Variants in SHQ1 observed in about 807,000 individuals in gnomAD.
The protein encoded by SHQ1 is SHQ1, H/ACA ribonucleoprotein assembly factor.
SHQ1 carries 49 observed loss-of-function variants against 53.8 expected under a neutral mutation model. The ratio of observed to expected loss-of-function variants is 0.91; its 90% CI spans 0.72 to 1.16. SHQ1 has a LOEUF of 1.16. Ranked by LOEUF, SHQ1 falls within the 50% of genes most tolerant of loss-of-function variation. SHQ1 has a pLI of 0.00. For synonymous variants in SHQ1, 243 were observed against 251.0 expected (o/e 0.97, Z 0.30); for missense variants, 738 against 683.1 (o/e 1.08, Z -0.90).
intron 9 of SHQ1, among the ~76,000 whole-genome samples, chr3:72,797,783 C>G (rs1338576660): frequency 6.6e-6 from 1 of 152,200 alleles, no homozygotes; most frequent in East Asian, 1.9e-4. Context: ...CTCCTCCCAA[C>G]AATATGCATT....
In SHQ1 at chr3:72,750,679, T is replaced by C; in HGVS notation, c.1339A>G (p.Thr447Ala). The C allele has an allele frequency of 6.2e-7, 1 of 1,608,274 alleles. No individual in the cohort carries two copies. The highest frequency in any genetic ancestry group is 8.5e-7 in the Non-Finnish European group (1 of 1,176,854). ...CTTGCCTCAGAGCTGGAGCAAAGTG[T>C]CTGCTGCCCAGAAACTGAATGGGCT... is the stretch of plus-strand genomic sequence containing the variant. ...KAAHSVSGQQ[T>A]LCSSSEASDS... The change falls in exon 11 of 11, where the codon ACA becomes GCA. Residue 447 changes from threonine to alanine, a missense_variant. By Grantham distance (58) the Thr-to-Ala change is moderately conservative (BLOSUM62 0). Coordinates refer to ENST00000325599, the MANE Select transcript of SHQ1 (RefSeq NM_018130.3).
chr3:72,775,824 G>A (rs191931042), intron 10 of SHQ1, among the ~76,000 whole-genome samples: 1 of 152,166 alleles, frequency 6.6e-6, no homozygotes, highest in Non-Finnish European at 1.5e-5. Context: ...AGGAAAAAAT[G>A]CAATAAAATT....
intron 4 of SHQ1, among the ~76,000 whole-genome samples, chr3:72,834,320 G>C (rs1196896017): frequency 1.3e-5 from 2 of 152,220 alleles, no homozygotes; most frequent in African/African-American, 4.8e-5. Flanking sequence ...CCTGAGGTCA[G>C]GAGTTCAAGA....
intron 10 of SHQ1, among the ~76,000 whole-genome samples, chr3:72,792,068 C>G (rs1320318657): frequency 6.6e-6 from 1 of 152,180 alleles, no homozygotes; most frequent in African/African-American, 2.4e-5. Context: ...TGTTCAGACC[C>G]TTCCATACAT....
rs573704090 is a variant in SHQ1 at position 72,773,567 on chromosome 3, C to T, written c.1181+19349G>A. 2.0e-5 allele frequency: 4 copies of T among 196,084 alleles called. No homozygotes were observed. The East Asian group carries it at 6.2e-4, about 31-fold the overall frequency. 12.1% of individuals were successfully genotyped at this position (196,084 alleles called of 1,614,324 possible). A position where few individuals can be genotyped will look rare whatever the true frequency, so the allele number is the denominator to read the frequency against. On this transcript the variant is annotated intron_variant, in intron 10 of 10. Coordinates refer to ENST00000325599, the MANE Select transcript of SHQ1 (RefSeq NM_018130.3). ...TTTCAGAACTGTCAGACTGGCACTACTATAGGAAAGAAACAAGATGGGGAG... is the reference window on the plus strand; with the variant it reads ...TTTCAGAACTGTCAGACTGGCACTATTATAGGAAAGAAACAAGATGGGGAG...
intron 4 of SHQ1, among the ~76,000 whole-genome samples, 170 bp downstream of exon 4, chr3:72,840,875 T>C (rs928311270): frequency 6.6e-6 from 1 of 152,092 alleles, no homozygotes; most frequent in Non-Finnish European, 1.5e-5. Context: ...GAACAGCCAA[T>C]GAAATGGAAG....
chr3:72,845,431 C>T (rs577156188), intron 1 of SHQ1, among the ~76,000 whole-genome samples: 10 of 150,980 alleles, frequency 6.6e-5, no homozygotes, highest in Admixed American at 2.6e-4. Flanking sequence ...TGCAGTGAGC[C>T]GAGATCATTT....
intron 6 of SHQ1, among the ~76,000 whole-genome samples, chr3:72,818,872 G>A (rs1707392657): frequency 6.6e-6 from 1 of 152,168 alleles, no homozygotes; most frequent in Non-Finnish European, 1.5e-5. Context: ...CCAGCTAACA[G>A]CCAGCAACAA....
chr3:72,795,761 A>ACT (rs1423154206), intron 9 of SHQ1, among the ~76,000 whole-genome samples: 1 of 152,146 alleles, frequency 6.6e-6, no homozygotes, highest in African/African-American at 2.4e-5. Flanking sequence ...CCTCCAGAAT[A>ACT]CTCTCTCTCA....
chr3:72,770,432 G>A, intron 10 of SHQ1, among the ~76,000 whole-genome samples: 1 of 152,034 alleles, frequency 6.6e-6, no homozygotes, highest in East Asian at 1.9e-4. Flanking sequence ...AACAGGATTT[G>A]GCTTTGTGGA....
intron 10 of SHQ1, among the ~76,000 whole-genome samples, chr3:72,761,125 C>T (rs991917078): frequency 4.6e-5 from 7 of 152,054 alleles, no homozygotes; most frequent in Non-Finnish European, 7.3e-5. Flanking sequence ...ACTACAGATC[C>T]CAAGAAGGTG....
At chr3:72,756,401 G>C (rs1275924426) in intron 10 of SHQ1, among the ~76,000 whole-genome samples, 1 of 152,044 alleles carries the variant, frequency 6.6e-6, no homozygotes, top group Non-Finnish European at 1.5e-5. Context: ...TCAGCCTCCC[G>C]AGTAGCTGGG....
chr3:72,779,579 T>C (rs192938033), intron 10 of SHQ1, among the ~76,000 whole-genome samples: 7 of 152,356 alleles, frequency 4.6e-5, no homozygotes, highest in Non-Finnish European at 1.0e-4. Context: ...TTGTTTACCA[T>C]TGGCAGGCCC....
intron 4 of SHQ1, among the ~76,000 whole-genome samples, chr3:72,837,416 A>AGATC (rs1472493388): frequency 6.6e-6 from 1 of 152,210 alleles, no homozygotes; most frequent in African/African-American, 2.4e-5. Context: ...AATGAAGAAA[A>AGATC]GATCCCTCAG....
chr3:72,816,274 A>G (rs552413354), intron 7 of SHQ1, among the ~76,000 whole-genome samples: 1 of 152,308 alleles, frequency 6.6e-6, no homozygotes, highest in African/African-American at 2.4e-5. Flanking sequence ...CACAATATAG[A>G]CACACGCGCA....
intron 10 of SHQ1, among the ~76,000 whole-genome samples, chr3:72,751,498 G>GATATATATATATA (rs1705370378): frequency 8.3e-6 from 1 of 119,864 alleles, no homozygotes; most frequent in Non-Finnish European, 1.6e-5. Context: ...GTGTGTGTGT[G>GATATATATATATA]TGTGTGTGTG....
chr3:72,831,744 T>C (rs548945330), intron 5 of SHQ1, among the ~76,000 whole-genome samples: 5 of 152,262 alleles, frequency 3.3e-5, no homozygotes, highest in Admixed American at 1.3e-4. Flanking sequence ...CAAGTCATCA[T>C]GTACCTATCT....
At chr3:72,845,487 A>T (rs2106980212) in intron 1 of SHQ1, among the ~76,000 whole-genome samples, 1 of 146,628 alleles carries the variant, frequency 6.8e-6, no homozygotes, top group Non-Finnish European at 1.5e-5. Context: ...TCTGTGTCCA[A>T]AAAAAAAAAA....
chr3:72,740,227 G>C, the SHQ1 span, among the ~76,000 whole-genome samples: 1 of 152,232 alleles, frequency 6.6e-6, no homozygotes, highest in Non-Finnish European at 1.5e-5. Flanking sequence ...AGTGATGAAT[G>C]ATTCAGTGTT....
Sources: gnomAD v4.1 joint callset for allele counts (sites outside exome capture counted in the v4.1 genomes callset) on GRCh38, gnomAD v4.1.1 for gene constraint, MANE v1.5 for transcripts, NCBI Gene and HGNC (gene_info 2026-07-23, HGNC 2026-07-21) for gene names.